Variants in ZSWIM9 observed in about 807,000 individuals in gnomAD.
ZSWIM9 encodes the protein zinc finger SWIM-type containing 9, also known as uncharacterized protein ZSWIM9.
ZSWIM9 carries 11 observed loss-of-function variants against 25.0 expected under a neutral mutation model. The ratio of observed to expected loss-of-function variants is 0.44; its 90% CI spans 0.28 to 0.73. ZSWIM9 has a LOEUF of 0.73. ZSWIM9 is among the 30% of genes least tolerant of loss of function. ZSWIM9 has a pLI of 0.16. For missense variants in ZSWIM9, 1,070 were observed against 1,296.5 expected (o/e 0.83, Z 2.68); for synonymous variants, 562 against 582.1 (o/e 0.97, Z 0.50).
rs896485130 is a variant in ZSWIM9, at chr19:48,182,777, C to A, written c.588+10C>A. 1.3e-6 allele frequency: 2 copies of A among 1,516,576 alleles called. No individual in the cohort carries two copies. Among genetic ancestry groups the A allele is most frequent in the South Asian group, 1.2e-5 (1 of 82,678 alleles). 93.9% of individuals were successfully genotyped at this position (1,516,576 alleles called of 1,614,324 possible). A position where few individuals can be genotyped will look rare whatever the true frequency, so the allele number is the denominator to read the frequency against. ...CGACCCCGAGGCCAAGGTGGGGTCT[C>A]GAGAGAGGCAGGCCGGGGGAGGGGG... On this transcript the variant is annotated intron_variant, in intron 3 of 3. Coordinates refer to ENST00000614654, the MANE Select transcript of ZSWIM9 (RefSeq NM_199341.4). This position sits in a 1 kb window ranked among gnomAD's most constrained non-coding sequence, Gnocchi z 4.6.
Position 48,196,485 on chromosome 19 carries a change from G to C in ZSWIM9, c.2421G>C (p.Lys807Asn). 1 of 1,232,590 alleles carries C rather than the reference G, an allele frequency of 8.1e-7. No homozygotes were observed. Among genetic ancestry groups the C allele is most frequent in the Non-Finnish European group, 1.0e-6 (1 of 988,386 alleles). The allele number at this position is 1,232,590 out of a possible 1,614,324, so 76.4% of individuals were successfully genotyped here. Residue 807 changes from lysine (K) to asparagine (N), a missense_variant, in exon 4 of 4, where the codon AAG (lysine) becomes AAC (asparagine). Physicochemically the swap from Lys to Asn is moderately conservative, Grantham distance 94. Transcript: ENST00000614654. ...GCGAAGATGGCCCCAGGGAACCAAA[G>C]AGGCTTTGCCGACCCCCGGGAGAGG... is the stretch of plus-strand genomic sequence containing the variant. Reference protein sequence around the residue: ...EGGEDGPREPKRLCRPPGEEE... With the variant: ...EGGEDGPREPNRLCRPPGEEE...
intron 2 of ZSWIM9, among the ~76,000 whole-genome samples, chr19:48,180,196 A>G (rs556181608): frequency 6.6e-6 from 1 of 152,200 alleles, no homozygotes; most frequent in South Asian, 2.1e-4. Flanking sequence ...TTGTATTTTT[A>G]GTAGAGACCG....
In ZSWIM9 at chr19:48,196,280, TG is replaced by T; in HGVS notation, c.2219del (p.Gly740AlafsTer20). On this transcript the variant is annotated frameshift_variant, in exon 4 of 4. Transcript: ENST00000614654. LOFTEE classifies it low-confidence loss of function (END_TRUNC). ...ENGDGGGARS[V>X]GPKSRAGRGM... ...GGAGATGGAGGGGGAGCCCGGTCCG[TG>T]GGCCCCAAGAGCCGAGCCGGACGAG... 1 of 1,232,926 alleles carries T rather than the reference TG, an allele frequency of 8.1e-7. No homozygotes were observed. Among genetic ancestry groups the T allele is most frequent in the Non-Finnish European group, 1.0e-6 (1 of 988,870 alleles). The allele number at this position is 1,232,926 out of a possible 1,614,324, so 76.4% of individuals were successfully genotyped here. A position where few individuals can be genotyped will look rare whatever the true frequency, so the allele number is the denominator to read the frequency against.
intron 2 of ZSWIM9, chr19:48,180,754 C>CTTTTTTTTTTTTTTTTT (rs71297705): frequency 7.4e-6 from 1 of 134,544 alleles, no homozygotes; most frequent in Non-Finnish European, 1.6e-5. Flanking sequence ...TTTCTTTTTT[C>CTTTTTTTTTTTTTTTTT]TTTTTTTTTT....
chr19:48,176,988 T>C lies in ZSWIM9; in HGVS notation c.275+4911T>C, dbSNP rs1198184302. 7.9e-5 allele frequency among the ~76,000 whole-genome samples: 12 copies of C among 151,780 alleles called. No homozygotes were observed. In the East Asian group the frequency reaches 2.1e-3, roughly 27 times the overall value. ...TATTCAGGAGGCTGAGGCAGGAGAA[T>C]TGCTTGATCCTGGGAGGCGGAGGTT... On this transcript the variant is annotated intron_variant, in intron 2 of 3. Coordinates refer to ENST00000614654, the MANE Select transcript of ZSWIM9 (RefSeq NM_199341.4).
chr19:48,196,442 A>ACGGCCTG lies in ZSWIM9; in HGVS notation c.2380_2386dup (p.Gln796ArgfsTer47). On this transcript the variant is annotated frameshift_variant, in exon 4 of 4. Coordinates refer to ENST00000614654, the MANE Select transcript of ZSWIM9 (RefSeq NM_199341.4). LOFTEE classifies it high-confidence loss of function. ...AGGAGTGAACACCTGGCTGCAGGTG[A>ACGGCCTG]CGGCCTGCAGGAAGGAGGCGAAGAT... The ACGGCCTG allele has an allele frequency of 8.1e-7, 1 of 1,232,404 alleles. No individual in the cohort carries two copies. The highest frequency in any genetic ancestry group is 1.0e-6 in the Non-Finnish European group (1 of 988,270). The allele number at this position is 1,232,404 out of a possible 1,614,324, so 76.3% of individuals were successfully genotyped here.
At position 48,171,954 on chromosome 19, in the gene ZSWIM9, T is replaced by G. The variant is rs1462912709; in HGVS notation, c.152T>G (p.Met51Arg). ...RLALFFVKSS[M>R]HLARCRWASA... ...GCGCTCTTCTTCGTCAAGAGCTCCATGCACCTGGCGCGCTGCCGCTGGGCC... is the reference window on the plus strand; with the variant it reads ...GCGCTCTTCTTCGTCAAGAGCTCCAGGCACCTGGCGCGCTGCCGCTGGGCC... The change falls in exon 2 of 4, where the codon ATG becomes AGG. Residue 51 changes from methionine to arginine, a missense_variant. Physicochemically the swap from Met to Arg is moderately conservative, Grantham distance 91 (BLOSUM62 -1). Around this residue, in one of 4 missense-constraint regions of ZSWIM9, gnomAD observed 265 missense variants for 339.0 expected, o/e 0.78. Coordinates refer to ENST00000614654, the MANE Select transcript of ZSWIM9 (RefSeq NM_199341.4). 2.0e-6 allele frequency: 3 copies of G among 1,535,828 alleles called. No individual in the cohort carries two copies.
intron 1 of ZSWIM9, chr19:48,171,127 A>G (rs1279705078): frequency 5.6e-6 from 3 of 534,744 alleles, no homozygotes; most frequent in Non-Finnish European, 2.4e-6. Flanking sequence ...ACATCTGGAG[A>G]TGAGAGTGTC....
chr19:48,191,028 G>A (rs2123399424), intron 3 of ZSWIM9, among the ~76,000 whole-genome samples: 1 of 152,040 alleles, frequency 6.6e-6, no homozygotes, highest in Middle Eastern at 3.4e-3. Flanking sequence ...TCTGTAAAAT[G>A]GGGATAATAC....
chr19:48,196,189 A>G lies in ZSWIM9; in HGVS notation c.2125A>G (p.Arg709Gly). The change falls in exon 4 of 4, where the codon AGA becomes GGA. Residue 709 changes from arginine (R) to glycine (G), a missense_variant. Arg to Gly is a moderately radical substitution (Grantham distance 125). This residue lies in a region of ZSWIM9 where 583 missense variants were observed against 624.7 expected (regional missense o/e 0.93). Coordinates refer to ENST00000614654, the MANE Select transcript of ZSWIM9 (RefSeq NM_199341.4). ...ERGARVGVKRRRGLEDIVLVQ... is the reference protein window; with the variant it reads ...ERGARVGVKRGRGLEDIVLVQ... Reference sequence around the variant, plus strand: ...GGGAGCGAGGGTGGGGGTCAAAAGAAGAAGGGGCCTGGAGGATATAGTTCT... The same window carrying G: ...GGGAGCGAGGGTGGGGGTCAAAAGAGGAAGGGGCCTGGAGGATATAGTTCT... 1 of 1,235,038 alleles carries G rather than the reference A, an allele frequency of 8.1e-7. No individual in the cohort carries two copies. The highest frequency in any genetic ancestry group is 1.0e-6 in the Non-Finnish European group (1 of 990,074). 76.5% of individuals were successfully genotyped at this position (1,235,038 alleles called of 1,614,324 possible).
rs1568579924 is a variant in ZSWIM9, at chr19:48,187,587, A to ATATAATATAATATATATTATATTAATAT, written c.588+4833_588+4834insATATTATATTAATATTATAATATAATAT. On this transcript the variant is annotated intron_variant, in intron 3 of 3. Coordinates refer to ENST00000614654, the MANE Select transcript of ZSWIM9 (RefSeq NM_199341.4). ...TATAATATTATATATATTATATATT[A>ATATAATATAATATATATTATATTAATAT]TATAATATAATATTATATATTATAT... 2.9e-5 allele frequency: 2 copies of ATATAATATAATATATATTATATTAATAT among 68,606 alleles called. 1 individual carries two copies. The highest frequency in any genetic ancestry group is 9.2e-5 in the African/African-American group (2 of 21,796). The allele number at this position is 68,606 out of a possible 1,614,324, so 4.2% of individuals were successfully genotyped here.
intron 3 of ZSWIM9, among the ~76,000 whole-genome samples, chr19:48,185,325 G>A (rs995639568): frequency 6.6e-6 from 1 of 151,900 alleles, no homozygotes; most frequent in Non-Finnish European, 1.5e-5. Flanking sequence ...AGAAGAGACG[G>A]GGTTTCTCCA....
chr19:48,193,096 C>T (rs951320084), intron 3 of ZSWIM9: 2 of 155,030 alleles, frequency 1.3e-5, no homozygotes, highest in African/African-American at 2.4e-5. Context: ...TCGAGACAGA[C>T]GGTAAGAACG....
rs200198761 is a variant in ZSWIM9, at chr19:48,194,549, GGT to G, written c.589-102_589-101del. 1.7e-6 allele frequency: 2 copies of G among 1,163,562 alleles called. No homozygotes were observed. The highest frequency in any genetic ancestry group is 2.2e-6 in the Non-Finnish European group (2 of 898,934). The allele number at this position is 1,163,562 out of a possible 1,614,324, so 72.1% of individuals were successfully genotyped here. On this transcript the variant is annotated intron_variant, in intron 3 of 3. Coordinates refer to ENST00000614654, the MANE Select transcript of ZSWIM9 (RefSeq NM_199341.4). This position sits in a 1 kb window ranked among gnomAD's most constrained non-coding sequence, Gnocchi z 6.0. ...ATGCATATGCAGGCAAGAATGAATG[GGT>G]GGTCCCATTTCCGTAGAAGGGGAAA... is the stretch of plus-strand genomic sequence containing the variant.
At chr19:48,188,145 A>G (rs1312593495) in intron 3 of ZSWIM9, among the ~76,000 whole-genome samples, 1 of 152,068 alleles carries the variant, frequency 6.6e-6, no homozygotes, top group African/African-American at 2.4e-5. Flanking sequence ...AGGGGATCAG[A>G]CAAGAAGGAT....
At chr19:48,172,496 T>C (rs937334892) in intron 2 of ZSWIM9, among the ~76,000 whole-genome samples, 1 of 151,944 alleles carries the variant, frequency 6.6e-6, no homozygotes, top group African/African-American at 2.4e-5. Flanking sequence ...TTTTTTGTTT[T>C]TGTTTTTGTT....
At position 48,196,318 on chromosome 19, in the gene ZSWIM9, G is replaced by A; in HGVS notation, c.2254G>A (p.Gly752Arg). The A allele has an allele frequency of 8.1e-7, 1 of 1,233,510 alleles. No individual in the cohort carries two copies. The highest frequency in any genetic ancestry group is 3.2e-5 in the East Asian group (1 of 31,728). 76.4% of individuals were successfully genotyped at this position (1,233,510 alleles called of 1,614,324 possible). A position where few individuals can be genotyped will look rare whatever the true frequency, so the allele number is the denominator to read the frequency against. ...CCGAGCCGGACGAGGGATGGAGTGG[G>A]GAGACGCAGGAGGGCGGTGTCTAGG... ...KSRAGRGMEWGDAGGRCLGLG... is the reference protein window; with the variant it reads ...KSRAGRGMEWRDAGGRCLGLG... The change falls in exon 4 of 4, where the codon GGA becomes AGA. Residue 752 changes from glycine to arginine, a missense_variant. Gly to Arg is a moderately radical substitution (Grantham distance 125). Around this residue, in one of 4 missense-constraint regions of ZSWIM9, gnomAD observed 583 missense variants for 624.7 expected, o/e 0.93. Coordinates refer to ENST00000614654, the MANE Select transcript of ZSWIM9 (RefSeq NM_199341.4).
intron 2 of ZSWIM9, among the ~76,000 whole-genome samples, chr19:48,176,263 GA>G (rs1305642090): frequency 6.6e-6 from 1 of 151,994 alleles, no homozygotes; most frequent in Non-Finnish European, 1.5e-5. Flanking sequence ...ACGGGTCCTT[GA>G]AAAAAAGTTT....
intron 2 of ZSWIM9, chr19:48,180,678 A>G (rs1269511926): frequency 6.6e-6 from 1 of 152,100 alleles, no homozygotes; most frequent in Non-Finnish European, 1.5e-5. Context: ...TATGATGTGA[A>G]TATTTTGGGG....
Sources: gnomAD v4.1 joint callset for allele counts (sites outside exome capture counted in the v4.1 genomes callset) on GRCh38, gnomAD v4.1.1 for gene constraint, gnomAD v4.1.1 regional missense constraint, Gnocchi (gnomAD v3.1) non-coding constraint, MANE v1.5 for transcripts, NCBI Gene and HGNC (gene_info 2026-07-23, HGNC 2026-07-21) for gene names.